The following GMPR variants were observed in gnomAD, a reference collection of about 807,000 sequenced individuals.
GMPR encodes guanosine monophosphate reductase.
Under a neutral mutation model 38.4 loss-of-function variants are expected in GMPR, and 31 were observed. The observed-to-expected ratio is 0.81, with a 90% confidence interval of 0.61 to 1.09. The LOEUF is 1.09. Ranked by LOEUF, GMPR falls within the 50% of genes least tolerant of loss-of-function variation. The probability of loss-of-function intolerance (pLI) is 0.00; values close to 1 mark genes in which losing one functional copy is unlikely to be tolerated. For synonymous variants in GMPR, 162 were observed against 173.3 expected, an observed-to-expected ratio of 0.93 and a Z score of 0.51; for missense variants, 468 against 453.7, an observed-to-expected ratio of 1.03 and a Z score of -0.29.
chr6:16,247,111 G>A, intron 2 of GMPR, 150 bp downstream of exon 2: 1 of 704,522 alleles, frequency 1.4e-6, no homozygotes, highest in East Asian at 2.8e-5. Flanking sequence ...ATCAGAAAGT[G>A]GACGGTGTCT....
intron 5 of GMPR, 51 bp downstream of exon 5, chr6:16,274,547 T>C: frequency 1.9e-6 from 2 of 1,064,234 alleles, no homozygotes; most frequent in Non-Finnish European, 2.9e-6. Context: ...AAGAATGGGA[T>C]CTGGGGCTTG....
chr6:16,283,432 A>C (rs1254806413), intron 6 of GMPR, among the ~76,000 whole-genome samples: 3 of 152,226 alleles, frequency 2.0e-5, no homozygotes, highest in Admixed American at 1.3e-4. Flanking sequence ...AGTAGCAGGA[A>C]GTAGACTGCC....
At chr6:16,261,727 G>C (rs1759089074) in intron 4 of GMPR, among the ~76,000 whole-genome samples, 1 of 151,974 alleles carries the variant, frequency 6.6e-6, no homozygotes, top group Non-Finnish European at 1.5e-5. Context: ...GCATGCTGTG[G>C]GATGGGATCT....
intron 4 of GMPR, among the ~76,000 whole-genome samples, chr6:16,263,651 G>A (rs1006511578): frequency 1.4e-5 from 2 of 145,360 alleles, no homozygotes; most frequent in African/African-American, 5.3e-5. Context: ...ATAAGGGATG[G>A]GGTGCAGAGA....
chr6:16,295,196 C>G lies in GMPR; in HGVS notation c.*10C>G. On this transcript the variant is annotated 3_prime_UTR_variant, in exon 9 of 9. Transcript: ENST00000259727. ...CACCGTGTTCAGCTAACCCTGGGGA[C>G]AAAGCAGCGTCTGGCTCGAGTGGAA... is the stretch of plus-strand genomic sequence containing the variant. 2.7e-6 allele frequency: 4 copies of G among 1,494,570 alleles called. No individual in the cohort carries two copies. Among genetic ancestry groups the G allele is most frequent in the Non-Finnish European group, 3.5e-6 (4 of 1,127,154 alleles). 92.6% of individuals were successfully genotyped at this position (1,494,570 alleles called of 1,614,324 possible). A position where few individuals can be genotyped will look rare whatever the true frequency, so the allele number is the denominator to read the frequency against.
chr6:16,244,286 C>T (rs1561818133), intron 1 of GMPR, among the ~76,000 whole-genome samples: 1 of 150,436 alleles, frequency 6.6e-6, no homozygotes, highest in Non-Finnish European at 1.5e-5. Context: ...GATCATGGCT[C>T]ACTGCAGCCT....
intron 4 of GMPR, among the ~76,000 whole-genome samples, chr6:16,267,442 C>A (rs537105117): frequency 6.6e-6 from 1 of 151,966 alleles, no homozygotes; most frequent in Admixed American, 6.6e-5. Flanking sequence ...GACCACGAAC[C>A]GTCCGGGAGG....
At chr6:16,279,536 G>A (rs1002537201) in intron 6 of GMPR, among the ~76,000 whole-genome samples, 1 of 152,228 alleles carries the variant, frequency 6.6e-6, no homozygotes, top group African/African-American at 2.4e-5. Context: ...CGAGTTTTTG[G>A]GGGGACCCAG....
chr6:16,250,240 T>A (rs201174105), intron 2 of GMPR, 44 bp from the exon 3 acceptor site: 34 of 1,020,046 alleles, frequency 3.3e-5, no homozygotes, highest in Non-Finnish European at 4.7e-5. Context: ...GGAGGGGGGC[T>A]CTCACTTGGC....
intron 6 of GMPR, among the ~76,000 whole-genome samples, chr6:16,283,695 C>G (rs918337827): frequency 5.3e-5 from 8 of 152,202 alleles, no homozygotes; most frequent in African/African-American, 1.4e-4. Context: ...CACAGGGCTC[C>G]TGATTCAGGC....
intron 4 of GMPR, among the ~76,000 whole-genome samples, chr6:16,266,684 G>A (rs945931283): frequency 2.0e-5 from 3 of 151,644 alleles, no homozygotes; most frequent in Non-Finnish European, 4.4e-5. Context: ...AGTGGCGGGC[G>A]CCTGTAGTCC....
chr6:16,293,279 A>AT (rs1759873473), intron 8 of GMPR, among the ~76,000 whole-genome samples: 1 of 152,240 alleles, frequency 6.6e-6, no homozygotes, highest in Non-Finnish European at 1.5e-5. Flanking sequence ...GAGAATCTAG[A>AT]AATTTCCAAG....
rs1437509892 is a variant in GMPR, at chr6:16,295,317, C to A, written c.*131C>A. The A allele has an allele frequency of 1.5e-6, 1 of 687,152 alleles. No homozygotes were observed. Among genetic ancestry groups the A allele is most frequent in the Non-Finnish European group, 2.2e-6 (1 of 456,132 alleles). 42.6% of individuals were successfully genotyped at this position (687,152 alleles called of 1,614,324 possible). A position where few individuals can be genotyped will look rare whatever the true frequency, so the allele number is the denominator to read the frequency against. On this transcript the variant is annotated 3_prime_UTR_variant, in exon 9 of 9. Coordinates refer to ENST00000259727, the MANE Select transcript of GMPR (RefSeq NM_006877.4). ...TGGAATGCTGTGTCCTCTCTTCTGT[C>A]TCCTGCTGCCTGGAGGCTTCGGGGC...
At chr6:16,273,564 C>T (rs983186195) in intron 4 of GMPR, among the ~76,000 whole-genome samples, 5 of 152,112 alleles carry the variant, frequency 3.3e-5, no homozygotes, top group African/African-American at 4.8e-5. Context: ...AAACTGAGCA[C>T]GTGCTGATGC....
chr6:16,266,989 C>T (rs917415139), intron 4 of GMPR, among the ~76,000 whole-genome samples: 8 of 151,380 alleles, frequency 5.3e-5, no homozygotes, highest in African/African-American at 1.7e-4. Context: ...CGAGGAGGAA[C>T]GAACAACTCT....
At chr6:16,260,645 A>G (rs1190363423) in intron 4 of GMPR, among the ~76,000 whole-genome samples, 1 of 152,036 alleles carries the variant, frequency 6.6e-6, no homozygotes, top group African/African-American at 2.4e-5. Flanking sequence ...TACGATGGAA[A>G]GAAAATGAGA....
chr6:16,245,214 T>C (rs542990894), intron 1 of GMPR, among the ~76,000 whole-genome samples: 1 of 152,284 alleles, frequency 6.6e-6, no homozygotes, highest in South Asian at 2.1e-4. Context: ...GAAAGGGACG[T>C]GCCACTGCGT....
chr6:16,266,107 GCCATCTTTAA>G, intron 4 of GMPR, among the ~76,000 whole-genome samples: 2 of 75,268 alleles, frequency 2.7e-5, no homozygotes, highest in East Asian at 5.2e-4. Flanking sequence ...TGTAACACTT[GCCATCTTTAA>G]GAGCTGTAAC....
intron 4 of GMPR, among the ~76,000 whole-genome samples, chr6:16,261,584 C>T (rs960239688): frequency 6.6e-6 from 1 of 151,984 alleles, no homozygotes; most frequent in South Asian, 2.1e-4. Flanking sequence ...TGATAAGGCG[C>T]AGATCCTGAA....
Sources: gnomAD v4.1 joint callset for allele counts (sites outside exome capture counted in the v4.1 genomes callset) on GRCh38, gnomAD v4.1.1 for gene constraint, MANE v1.5 for transcripts, NCBI Gene and HGNC (gene_info 2026-07-23, HGNC 2026-07-21) for gene names.